Variants in BCAS3 observed in about 807,000 individuals in gnomAD.
The protein encoded by BCAS3 is BCAS4/BCAS3 fusion.
Under a neutral mutation model 116.1 loss-of-function variants are expected in BCAS3, and 53 were observed. That is an observed-to-expected ratio of 0.46 (90% CI 0.37 to 0.57). The LOEUF (loss-of-function observed/expected upper bound fraction) is 0.57. BCAS3 is among the 20% of genes least tolerant of loss of function. The pLI, the probability that BCAS3 is intolerant of heterozygous loss-of-function variation, is 0.00. For missense variants in BCAS3, 917 were observed against 1,165.4 expected (o/e 0.79, Z 3.10); for synonymous variants, 391 against 408.2 (o/e 0.96, Z 0.51).
rs1239829180 is a variant in BCAS3 at position 61,131,610 on chromosome 17, C to A, written c.2425+47046C>A. Among the ~76,000 whole-genome samples the A allele has an allele frequency of 5.3e-5, 8 of 152,218 alleles. No homozygotes were observed. The highest frequency in any genetic ancestry group is 1.0e-4 in the Non-Finnish European group (7 of 68,034). On this transcript the variant is annotated intron_variant, in intron 22 of 23. Coordinates refer to ENST00000407086, the MANE Select transcript of BCAS3 (RefSeq NM_017679.5). The surrounding 1 kb of genome is among the most constrained non-coding windows in gnomAD (Gnocchi z 4.4). ...AATTTATTTCTCCATAAAGGCCTTT[C>A]TTCCTTGAGGTCTGTGAGCCTCCAG...
Position 61,366,715 on chromosome 17 carries a change from C to T in BCAS3, c.2426-1612C>T, listed in dbSNP as rs2058752217. Among the ~76,000 whole-genome samples the T allele has an allele frequency of 1.3e-5, 2 of 152,206 alleles. No individual in the cohort carries two copies. The highest frequency in any genetic ancestry group is 1.5e-5 in the Non-Finnish European group (1 of 68,036). ...ACAAGCTGATCCCAAGCAACCCACT[C>T]CTAAGGTGGGCCTCTTCTTGGGGAG... On this transcript the variant is annotated intron_variant, in intron 22 of 23. Transcript: ENST00000407086. The surrounding 1 kb of genome is among the most constrained non-coding windows in gnomAD (Gnocchi z 4.5).
rs1172140665 is a variant in BCAS3, at chr17:61,332,349, C to T, written c.2426-35978C>T. Among the ~76,000 whole-genome samples the T allele has an allele frequency of 1.3e-5, 2 of 152,198 alleles. No individual in the cohort carries two copies. The highest frequency in any genetic ancestry group is 2.9e-5 in the Non-Finnish European group (2 of 68,036). On this transcript the variant is annotated intron_variant, in intron 22 of 23. Transcript: ENST00000407086. The surrounding 1 kb of genome is among the most constrained non-coding windows in gnomAD (Gnocchi z 5.4). ...GGCCCTGAACATCCTGCTCTGACTACAGCGTCCCCTCCCCTCCCTCCACCA... is the reference window on the plus strand; with the variant it reads ...GGCCCTGAACATCCTGCTCTGACTATAGCGTCCCCTCCCCTCCCTCCACCA...
intron 22 of BCAS3, among the ~76,000 whole-genome samples, chr17:61,345,028 C>A (rs1278374537): frequency 6.6e-6 from 1 of 152,190 alleles, no homozygotes. Flanking sequence ...TATAAACCAT[C>A]CGCCTGGGGC....
intron 22 of BCAS3, among the ~76,000 whole-genome samples, chr17:61,322,309 G>A (rs1043751353): frequency 2.6e-5 from 4 of 152,240 alleles, no homozygotes; most frequent in African/African-American, 9.6e-5. Flanking sequence ...AAATGCAGGG[G>A]ACCTGCTCTG....
intron 22 of BCAS3, among the ~76,000 whole-genome samples, chr17:61,093,720 T>C (rs2073782558): frequency 2.6e-5 from 4 of 152,248 alleles, no homozygotes; most frequent in Admixed American, 2.6e-4. Flanking sequence ...TTTTAAAATT[T>C]TTATTTTTTC....
intron 22 of BCAS3, among the ~76,000 whole-genome samples, chr17:61,179,874 C>CTTTTTT (rs5821309): frequency 8.0e-6 from 1 of 124,518 alleles, no homozygotes; most frequent in African/African-American, 3.0e-5. Flanking sequence ...CTCTCTCTCT[C>CTTTTTT]TTTTTTTTTT....
intron 16 of BCAS3, among the ~76,000 whole-genome samples, chr17:61,022,230 T>C (rs889074865): frequency 3.9e-5 from 6 of 151,938 alleles, no homozygotes; most frequent in African/African-American, 1.5e-4. Context: ...ATACCATATA[T>C]ATATTTTTTG....
intron 4 of BCAS3, among the ~76,000 whole-genome samples, chr17:60,703,236 C>T (rs990621596): frequency 6.6e-6 from 1 of 151,132 alleles, no homozygotes; most frequent in African/African-American, 2.4e-5. Flanking sequence ...GATCGTGCCA[C>T]TGCACTCCAG....
chr17:60,794,867 T>A (rs1399517279), intron 6 of BCAS3, among the ~76,000 whole-genome samples: 1 of 152,184 alleles, frequency 6.6e-6, no homozygotes, highest in Non-Finnish European at 1.5e-5. Flanking sequence ...TTTTGCTTAG[T>A]CTTGCTTTGG....
At chr17:60,681,637 C>T (rs1300390015) in intron 2 of BCAS3, among the ~76,000 whole-genome samples, 3 of 150,144 alleles carry the variant, frequency 2.0e-5, no homozygotes, top group East Asian at 2.0e-4. Flanking sequence ...CTGCAACCTC[C>T]GCCTTCTGGG....
In BCAS3 at chr17:60,953,796, T is replaced by C. The variant is rs569359280; in HGVS notation, c.1221+6444T>C. ...TCACCCAGGCTGGAGTGCAATGGCG[T>C]GATCTCTGCTCACTGCAACCTCTGC... On this transcript the variant is annotated intron_variant, in intron 14 of 23. Coordinates refer to ENST00000407086, the MANE Select transcript of BCAS3 (RefSeq NM_017679.5). Among the ~76,000 whole-genome samples the C allele has an allele frequency of 2.0e-5, 3 of 151,114 alleles. No homozygotes were observed. In the South Asian group the frequency reaches 6.3e-4, roughly 32 times the overall value.
chr17:61,017,411 C>T lies in BCAS3; in HGVS notation c.1637+1510C>T, dbSNP rs969137927. Reference sequence around the variant, plus strand: ...ATTGTACAATTCTCCAAAGTACTTACAAATTTTAGCCTGTCTTTTCTGAAT... The same window carrying T: ...ATTGTACAATTCTCCAAAGTACTTATAAATTTTAGCCTGTCTTTTCTGAAT... On this transcript the variant is annotated intron_variant, in intron 16 of 23. Transcript: ENST00000407086. This position sits in a 1 kb window ranked among gnomAD's most constrained non-coding sequence, Gnocchi z 4.7. Among the ~76,000 whole-genome samples, 1 of 152,132 alleles carries T rather than the reference C, an allele frequency of 6.6e-6. No individual in the cohort carries two copies. Among genetic ancestry groups the T allele is most frequent in the Non-Finnish European group, 1.5e-5 (1 of 68,012 alleles).
At chr17:61,066,143 AC>A (rs1259642845) in intron 19 of BCAS3, among the ~76,000 whole-genome samples, 1 of 152,194 alleles carries the variant, frequency 6.6e-6, no homozygotes, top group Non-Finnish European at 1.5e-5. Context: ...CAGCTTCTTA[AC>A]ATCTGCTAGA....
chr17:61,296,847 C>T (rs1308402481), intron 22 of BCAS3, among the ~76,000 whole-genome samples: 1 of 152,066 alleles, frequency 6.6e-6, no homozygotes, highest in Non-Finnish European at 1.5e-5. Flanking sequence ...TTCAGGATGG[C>T]CAGGACATAA....
At position 61,151,111 on chromosome 17, in the gene BCAS3, T is replaced by C. The variant is rs947572809; in HGVS notation, c.2425+66547T>C. ...CTACTGCAATGACTGTTACTGCTAC[T>C]ACTACTGCTATTACAGGTTGACCAT... On this transcript the variant is annotated intron_variant, in intron 22 of 23. Transcript: ENST00000407086. The surrounding 1 kb of genome is among the most constrained non-coding windows in gnomAD (Gnocchi z 4.8). Among the ~76,000 whole-genome samples, 1 of 152,256 alleles carries C rather than the reference T, an allele frequency of 6.6e-6. No homozygotes were observed. The highest frequency in any genetic ancestry group is 2.1e-4 in the South Asian group (1 of 4,830).
At position 60,844,995 on chromosome 17, in the gene BCAS3, C is replaced by T. The variant is rs1203718859; in HGVS notation, c.477-23581C>T. Among the ~76,000 whole-genome samples the T allele has an allele frequency of 2.6e-5, 4 of 152,068 alleles. No individual in the cohort carries two copies. In the East Asian group the frequency reaches 5.8e-4, roughly 22 times the overall value. ...CTATAATCTCAGCACTATAGGAGGC[C>T]GAGGCAGGTGGATCACCTGAGGTCA... On this transcript the variant is annotated intron_variant, in intron 7 of 23. Transcript: ENST00000407086.
chr17:60,878,846 C>T (rs983354646), intron 9 of BCAS3, among the ~76,000 whole-genome samples: 2 of 152,144 alleles, frequency 1.3e-5, no homozygotes, highest in African/African-American at 4.8e-5. Context: ...TTTGAAATTA[C>T]AGCTTCCTCT....
At chr17:60,752,342 A>G (rs2042553018) in intron 6 of BCAS3, among the ~76,000 whole-genome samples, 1 of 152,068 alleles carries the variant, frequency 6.6e-6, no homozygotes, top group African/African-American at 2.4e-5. Flanking sequence ...ATACTTCCGT[A>G]TATGTACATT....
intron 7 of BCAS3, among the ~76,000 whole-genome samples, chr17:60,843,591 C>A (rs922020779): frequency 4.6e-5 from 7 of 152,102 alleles, no homozygotes; most frequent in African/African-American, 1.7e-4. Flanking sequence ...TTGTTCCTCT[C>A]CCTACACTCA....
Sources: allele counts gnomAD v4.1 joint callset (sites outside exome capture counted in the v4.1 genomes callset), GRCh38; gene constraint gnomAD v4.1.1; non-coding constraint Gnocchi (gnomAD v3.1); transcripts MANE v1.5; gene names NCBI Gene and HGNC (gene_info 2026-07-23, HGNC 2026-07-21).